TACC2: variants seen among roughly 807,000 people sequenced by gnomAD.
The protein encoded by TACC2 is transforming acidic coiled-coil containing protein 2, also known as transforming acidic coiled-coil-containing protein 2.
A neutral mutation model predicts 227.3 loss-of-function variants in TACC2; 137 were observed. The ratio of observed to expected loss-of-function variants is 0.60; its 90% CI spans 0.52 to 0.69. The LOEUF (loss-of-function observed/expected upper bound fraction) is 0.69, where lower values mean the gene tolerates loss of function less well. Among genes scored for constraint, TACC2 ranks in the 30% least tolerant of loss-of-function variants. TACC2 has a pLI of 0.00. For missense variants in TACC2, 3,470 were observed against 3,694.4 expected (o/e 0.94, Z 1.57); for synonymous variants, 1,523 against 1,487.5 (o/e 1.02, Z -0.55).
In TACC2 at chr10:122,050,311, T is replaced by C. The variant is rs1002018121; in HGVS notation, c.34-127T>C. 7 of 716,484 alleles carry C rather than the reference T, an allele frequency of 9.8e-6. No individual in the cohort carries two copies. The highest frequency in any genetic ancestry group is 1.7e-5 in the Non-Finnish European group (7 of 416,296). 44.4% of individuals were successfully genotyped at this position (716,484 alleles called of 1,614,324 possible). ...AGTGCCGCACATAGTAGGTGTTTCG[T>C]TGGACGGCAGAGCAAGTGAACAACC... is the stretch of plus-strand genomic sequence containing the variant. On this transcript the variant is annotated intron_variant, in intron 2 of 22. Coordinates refer to ENST00000369005, the MANE Select transcript of TACC2 (RefSeq NM_206862.4). This position sits in a 1 kb window ranked among gnomAD's most constrained non-coding sequence, Gnocchi z 4.6.
intron 5 of TACC2, among the ~76,000 whole-genome samples, chr10:122,093,901 T>G (rs1591917465): frequency 6.6e-6 from 1 of 152,170 alleles, no homozygotes; most frequent in East Asian, 1.9e-4. Flanking sequence ...GCCCAAGATC[T>G]CCAAATGAAA....
chr10:122,066,364 G>C (rs2077391604), intron 3 of TACC2, among the ~76,000 whole-genome samples: 2 of 151,870 alleles, frequency 1.3e-5, no homozygotes, highest in Non-Finnish European at 2.9e-5. Flanking sequence ...CACCTCCCAG[G>C]TGCAAGTGAT....
At chr10:122,202,014 T>A (rs1290574581) in intron 8 of TACC2, among the ~76,000 whole-genome samples, 2 of 99,168 alleles carry the variant, frequency 2.0e-5, no homozygotes, top group African/African-American at 1.9e-4. Flanking sequence ...CTTCTTTAGC[T>A]TTTTTTTTTT....
At chr10:122,043,261 T>C (rs1000588232) in intron 2 of TACC2, among the ~76,000 whole-genome samples, 3 of 152,186 alleles carry the variant, frequency 2.0e-5, no homozygotes, top group Non-Finnish European at 4.4e-5. Context: ...CATCAGAACA[T>C]GTCACCTCTT....
intron 3 of TACC2, among the ~76,000 whole-genome samples, chr10:122,061,028 G>GT (rs1306492681): frequency 7.0e-6 from 1 of 142,652 alleles, no homozygotes; most frequent in African/African-American, 2.6e-5. Flanking sequence ...AAGGGGGGGG[G>GT]GCCAGGCACG....
At chr10:122,246,608 T>C (rs1376356007) in intron 19 of TACC2, 1 of 152,220 alleles carries the variant, frequency 6.6e-6, no homozygotes, top group Non-Finnish European at 1.5e-5. Flanking sequence ...TTCCGCCTTC[T>C]GTAAAATGAG....
intron 1 of TACC2, among the ~76,000 whole-genome samples, chr10:122,012,098 T>G (rs1008763178): frequency 5.3e-5 from 8 of 151,978 alleles, no homozygotes; most frequent in African/African-American, 1.9e-4. Context: ...CCACCATGCC[T>G]GGCTAATTTT....
rs1345458637 is a variant in TACC2, at chr10:122,084,969, A to G, written c.2469A>G (p.Leu823=). Reference sequence around the variant, plus strand: ...GAGGAGCTGCATCCGAGTGGCCCCTACTATCTTCTGAGAAGCATCTCCAGC... The same window carrying G: ...GAGGAGCTGCATCCGAGTGGCCCCTGCTATCTTCTGAGAAGCATCTCCAGC... ...WIRGAASEWP[L]LSSEKHLQPS... Residue 823 remains leucine (L), a synonymous_variant, in exon 4 of 23, where the codon CTA becomes CTG. Transcript: ENST00000369005. The G allele has an allele frequency of 1.2e-6, 2 of 1,614,162 alleles. No individual in the cohort carries two copies. The highest frequency in any genetic ancestry group is 2.7e-5 in the African/African-American group (2 of 75,052).
intron 1 of TACC2, among the ~76,000 whole-genome samples, chr10:122,016,134 C>T (rs1384890386): frequency 6.6e-6 from 1 of 150,860 alleles, no homozygotes; most frequent in Non-Finnish European, 1.5e-5. Flanking sequence ...TGGTGGTGCA[C>T]ACCTGTAGTC....
intron 8 of TACC2, among the ~76,000 whole-genome samples, chr10:122,200,356 C>A (rs1000721882): frequency 6.6e-6 from 1 of 151,660 alleles, no homozygotes; most frequent in Non-Finnish European, 1.5e-5. Context: ...GAGAGGATGG[C>A]GACCTCACCT....
At chr10:122,143,481 C>CGGGTG (rs2090944547) in intron 6 of TACC2, 91 bp from the exon 7 acceptor site, 1 of 975,586 alleles carries the variant, frequency 1.0e-6, no homozygotes, top group South Asian at 1.6e-5. Context: ...CATGTGTGGG[C>CGGGTG]GGGTGGGTTG....
intron 3 of TACC2, among the ~76,000 whole-genome samples, chr10:122,056,629 A>G (rs146387711): frequency 7.9e-5 from 12 of 152,188 alleles, no homozygotes; most frequent in Non-Finnish European, 1.5e-4. Context: ...GCTGGAGTGG[A>G]CAAGGAGGGT....
At chr10:122,240,611 G>T (rs751027706) in intron 18 of TACC2, among the ~76,000 whole-genome samples, 6 of 152,168 alleles carry the variant, frequency 3.9e-5, no homozygotes, top group Non-Finnish European at 8.8e-5. Flanking sequence ...CGTGCTCAGG[G>T]TCACACAGCT....
At chr10:122,007,292 G>T (rs1256694212) in intron 1 of TACC2, among the ~76,000 whole-genome samples, 3 of 151,826 alleles carry the variant, frequency 2.0e-5, no homozygotes, top group African/African-American at 7.3e-5. Flanking sequence ...GAGTTCAATT[G>T]ACAATCTTTT....
chr10:122,007,171 A>G (rs1955281195), intron 1 of TACC2, among the ~76,000 whole-genome samples: 1 of 151,390 alleles, frequency 6.6e-6, no homozygotes, highest in South Asian at 2.1e-4. Flanking sequence ...CACTTTCCTG[A>G]TTTTTTTTAA....
chr10:122,082,737 G>A lies in TACC2; in HGVS notation c.237G>A (p.Glu79=). 1.9e-6 allele frequency: 3 copies of A among 1,614,074 alleles called. No individual in the cohort carries two copies. The highest frequency in any genetic ancestry group is 1.1e-5 in the South Asian group (1 of 91,080). ...GCCTTGTGTCCCCAGAGGTGACTGA[G>A]CCAAGGAAGGACCCACAGGGAGCCA... The part of the protein sequence containing the change: ...DPCLVSPEVT[E]PRKDPQGARG... Residue 79 remains glutamate, a synonymous_variant, in exon 4 of 23, where the codon GAG becomes GAA. Transcript: ENST00000369005.
chr10:122,047,726 C>G (rs1184387169), intron 2 of TACC2, among the ~76,000 whole-genome samples: 1 of 152,204 alleles, frequency 6.6e-6, no homozygotes, highest in African/African-American at 2.4e-5. Context: ...CCATCTTTCC[C>G]TTAAGACAGT....
At chr10:121,999,258 A>G (rs1031570269) in intron 1 of TACC2, among the ~76,000 whole-genome samples, 7 of 152,190 alleles carry the variant, frequency 4.6e-5, no homozygotes, top group African/African-American at 1.7e-4. Flanking sequence ...TGGAATGGCC[A>G]TTTCTAAGTG....
Position 122,085,041 on chromosome 10 carries a change from G to T in TACC2, c.2541G>T (p.Glu847Asp). Residue 847 changes from glutamate (E) to aspartate (D), a missense_variant, in exon 4 of 23, where the codon GAG (glutamate) becomes GAT (aspartate). Glu to Asp is a conservative substitution (Grantham distance 45, BLOSUM62 2). Around this residue, in one of 10 missense-constraint regions of TACC2, gnomAD observed 1,924 missense variants for 1,978.3 expected, o/e 0.97. Transcript: ENST00000369005. ...CATCCATCTTTGACGTGCTCAAGGA[G>T]CAGGCCCAGCCACCTGAAAATGGGA... ...PETSIFDVLK[E>D]QAQPPENGKE... 3 of 1,614,196 alleles carry T rather than the reference G, an allele frequency of 1.9e-6. No individual in the cohort carries two copies. The highest frequency in any genetic ancestry group is 2.2e-5 in the South Asian group (2 of 91,086).
Sources: allele counts gnomAD v4.1 joint callset (sites outside exome capture counted in the v4.1 genomes callset), GRCh38; gene constraint gnomAD v4.1.1; regional missense constraint gnomAD v4.1.1; non-coding constraint Gnocchi (gnomAD v3.1); transcripts MANE v1.5; gene names NCBI Gene and HGNC (gene_info 2026-07-23, HGNC 2026-07-21).